Variants in TTC28 observed in about 807,000 individuals in gnomAD.
TTC28 encodes the protein tetratricopeptide repeat domain 28.
In TTC28, 61 loss-of-function variants were observed where a neutral mutation model predicts 198.0. That is an observed-to-expected ratio of 0.31 (90% CI 0.25 to 0.38). The LOEUF is 0.38. Ranked by LOEUF, TTC28 falls within the 10% of genes least tolerant of loss-of-function variation. The probability of loss-of-function intolerance (pLI) is 1.00; values close to 1 mark genes in which losing one functional copy is unlikely to be tolerated. For synonymous variants in TTC28, 1,171 were observed against 1,297.8 expected, an observed-to-expected ratio of 0.90 and a Z score of 2.10; for missense variants, 2,678 against 3,164.0, an observed-to-expected ratio of 0.85 and a Z score of 3.69.
chr22:28,569,038 C>G (rs1178259509), intron 2 of TTC28, among the ~76,000 whole-genome samples: 1 of 151,636 alleles, frequency 6.6e-6, no homozygotes, highest in Non-Finnish European at 1.5e-5. Context: ...TCCCTGCTAC[C>G]CGGGAGGCTG....
At chr22:28,575,403 C>T (rs138655615) in intron 2 of TTC28, among the ~76,000 whole-genome samples, 3 of 152,074 alleles carry the variant, frequency 2.0e-5, no homozygotes, top group East Asian at 3.9e-4. Flanking sequence ...TAGGCCAGTA[C>T]CATGCTATTT....
chr22:28,056,923 A>G (rs1940314203), intron 12 of TTC28, among the ~76,000 whole-genome samples: 1 of 152,188 alleles, frequency 6.6e-6, no homozygotes, highest in Non-Finnish European at 1.5e-5. Context: ...GTTCCTTTCA[A>G]TTAACAAAGT....
chr22:28,073,250 T>C (rs1000473239), intron 12 of TTC28, among the ~76,000 whole-genome samples: 2 of 152,142 alleles, frequency 1.3e-5, no homozygotes, highest in East Asian at 3.9e-4. Flanking sequence ...AGGAACTGCA[T>C]GAGAAAAGGT....
intron 2 of TTC28, among the ~76,000 whole-genome samples, chr22:28,391,326 T>C (rs1311177878): frequency 6.6e-6 from 1 of 152,100 alleles, no homozygotes; most frequent in African/African-American, 2.4e-5. Context: ...TGTCTTGGAG[T>C]TGCTCTTCTC....
chr22:28,586,003 G>A (rs572744174), intron 2 of TTC28, among the ~76,000 whole-genome samples: 13 of 151,876 alleles, frequency 8.6e-5, no homozygotes, highest in South Asian at 2.1e-4. Context: ...AGAAGAAGCC[G>A]GGTGCGGTGG....
At chr22:28,556,913 T>C (rs2180459) in intron 2 of TTC28, among the ~76,000 whole-genome samples, 150,770 of 152,344 alleles carry the variant, frequency 0.99, 74,633 homozygotes, top group Middle Eastern at 1. Flanking sequence ...AACATGGTGA[T>C]TGGCTTCATC....
chr22:28,411,156 T>C (rs2047075166), intron 2 of TTC28, among the ~76,000 whole-genome samples: 1 of 152,206 alleles, frequency 6.6e-6, no homozygotes, highest in Non-Finnish European at 1.5e-5. Flanking sequence ...TTTTAAAAAA[T>C]CGATACCCCA....
In TTC28 at chr22:28,110,867, C is replaced by T. The variant is rs370271331; in HGVS notation, c.1442-2464G>A. 2.1e-4 allele frequency among the ~76,000 whole-genome samples: 31 copies of T among 150,708 alleles called. No homozygotes were observed. The South Asian group carries it at 3.8e-3, about 18-fold the overall frequency. On this transcript the variant is annotated intron_variant, in intron 6 of 22. Transcript: ENST00000397906. ...GGAGGATCATTTGAGCTCAGAAGTT[C>T]GAGGCTGCAGTAGGCCATGATCACA...
At chr22:28,115,909 A>T (rs897960718) in intron 6 of TTC28, among the ~76,000 whole-genome samples, 1 of 152,148 alleles carries the variant, frequency 6.6e-6, no homozygotes, top group African/African-American at 2.4e-5. Flanking sequence ...AAATCTCTGT[A>T]CCACCTCTCC....
intron 12 of TTC28, among the ~76,000 whole-genome samples, chr22:28,064,417 C>A (rs1940674975): frequency 6.6e-6 from 1 of 152,072 alleles, no homozygotes. Context: ...GGTTTTATGA[C>A]TCCCTTCTAG....
intron 5 of TTC28, among the ~76,000 whole-genome samples, chr22:28,180,305 T>C (rs1923576747): frequency 6.6e-6 from 1 of 152,176 alleles, no homozygotes; most frequent in Admixed American, 6.5e-5. Flanking sequence ...CACACAAAAT[T>C]AATTGCACCA....
intron 12 of TTC28, among the ~76,000 whole-genome samples, chr22:28,064,785 G>C (rs1940688872): frequency 6.6e-6 from 1 of 152,138 alleles, no homozygotes; most frequent in Non-Finnish European, 1.5e-5. Flanking sequence ...TATCAAATGA[G>C]TGAGACTATC....
At chr22:28,018,329 T>G (rs1938463861) in intron 13 of TTC28, among the ~76,000 whole-genome samples, 2 of 146,472 alleles carry the variant, frequency 1.4e-5, no homozygotes, top group Admixed American at 1.4e-4. Flanking sequence ...GGGGAACCTG[T>G]CCCTAGAGAG....
At chr22:28,491,408 TA>T (rs1460820483) in intron 2 of TTC28, among the ~76,000 whole-genome samples, 4 of 151,754 alleles carry the variant, frequency 2.6e-5, no homozygotes, top group Non-Finnish European at 5.9e-5. Flanking sequence ...CAAACAAACT[TA>T]CAAGAAAAAA....
chr22:28,497,978 G>GAA (rs1377832226), intron 2 of TTC28, among the ~76,000 whole-genome samples: 1 of 152,030 alleles, frequency 6.6e-6, no homozygotes, highest in Non-Finnish European at 1.5e-5. Context: ...CAAAAGAAGA[G>GAA]AAAAAGAGTG....
At chr22:28,365,704 A>T (rs2046236058) in intron 2 of TTC28, among the ~76,000 whole-genome samples, 1 of 152,238 alleles carries the variant, frequency 6.6e-6, no homozygotes, top group Admixed American at 6.5e-5. Flanking sequence ...ATATTAACAC[A>T]TGTACACATG....
intron 2 of TTC28, among the ~76,000 whole-genome samples, chr22:28,423,599 C>T (rs148693602): frequency 8.9e-4 from 136 of 152,256 alleles, no homozygotes; most frequent in Middle Eastern, 3.4e-3. Flanking sequence ...CAAATAAACT[C>T]TAAAGTCCAT....
chr22:28,304,016 T>A (rs2045081542), intron 3 of TTC28, among the ~76,000 whole-genome samples: 1 of 152,158 alleles, frequency 6.6e-6, no homozygotes, highest in South Asian at 2.1e-4. Context: ...CCGGGCGCGG[T>A]GGCTCACGCC....
chr22:28,088,646 C>T (rs572798703), intron 12 of TTC28, among the ~76,000 whole-genome samples: 16 of 152,142 alleles, frequency 1.1e-4, no homozygotes, highest in Admixed American at 3.9e-4. Context: ...TGGCAACAAA[C>T]GCCAAAATTG....
Sources: gnomAD v4.1 joint callset for allele counts (sites outside exome capture counted in the v4.1 genomes callset) on GRCh38, gnomAD v4.1.1 for gene constraint, MANE v1.5 for transcripts, NCBI Gene and HGNC (gene_info 2026-07-23, HGNC 2026-07-21) for gene names.